Variants in SEMA3E observed in about 807,000 individuals in gnomAD.
The protein encoded by SEMA3E is semaphorin 3E.
Under a neutral mutation model 93.6 loss-of-function variants are expected in SEMA3E, and 49 were observed. That is an observed-to-expected ratio of 0.52 (90% CI 0.42 to 0.66). The LOEUF is 0.66. Ranked by LOEUF, SEMA3E falls within the 30% of genes least tolerant of loss-of-function variation. The pLI, the probability that SEMA3E is intolerant of heterozygous loss-of-function variation, is 0.00. For missense variants in SEMA3E, 906 were observed against 964.8 expected (o/e 0.94, Z 0.81); for synonymous variants, 363 against 330.7 (o/e 1.10, Z -1.06).
At chr7:83,569,430 G>C (rs768395227) in intron 1 of SEMA3E, among the ~76,000 whole-genome samples, 10 of 151,974 alleles carry the variant, frequency 6.6e-5, no homozygotes, top group Non-Finnish European at 1.3e-4. Context: ...CACTTAAAAG[G>C]TATAGAGTGG....
At chr7:83,573,525 A>G (rs766220005) in intron 1 of SEMA3E, among the ~76,000 whole-genome samples, 5 of 152,112 alleles carry the variant, frequency 3.3e-5, no homozygotes, top group Non-Finnish European at 7.4e-5. Flanking sequence ...GTTTGTTTCT[A>G]TCACTATTCT....
intron 4 of SEMA3E, among the ~76,000 whole-genome samples, chr7:83,445,543 C>G (rs772133018): frequency 5.3e-5 from 8 of 151,830 alleles, no homozygotes; most frequent in Non-Finnish European, 8.8e-5. Flanking sequence ...CATGGTGAAA[C>G]CCCGTCCCTA....
At chr7:83,391,577 T>C (rs189367578) in intron 14 of SEMA3E, among the ~76,000 whole-genome samples, 1 of 148,014 alleles carries the variant, frequency 6.8e-6, no homozygotes, top group East Asian at 2.1e-4. Flanking sequence ...CGAAGCATAA[T>C]TTTACTATCC....
chr7:83,546,324 GTGTGT>G (rs1791650012), intron 1 of SEMA3E, among the ~76,000 whole-genome samples: 9 of 10,154 alleles, frequency 8.9e-4, no homozygotes, highest in African/African-American at 4.1e-3. Context: ...AATAAGGGGT[GTGTGT>G]GTGTGTGTGT....
Position 83,407,268 on chromosome 7 carries a change from T to G in SEMA3E, c.671-29A>C, listed in dbSNP as rs563813972. On this transcript the variant is annotated intron_variant, in intron 6 of 16. Transcript: ENST00000643230. ...TAGGAGCAAAAAATAGGAGAAAAAG[T>G]GAAATAGATATTACAACTAAATGCT... is the stretch of plus-strand genomic sequence containing the variant. 5.7e-6 allele frequency: 9 copies of G among 1,582,490 alleles called. No homozygotes were observed. In the East Asian group the frequency reaches 1.3e-4, roughly 24 times the overall value.
intron 1 of SEMA3E, among the ~76,000 whole-genome samples, chr7:83,545,061 A>T (rs1791616772): frequency 6.6e-6 from 1 of 152,130 alleles, no homozygotes; most frequent in South Asian, 2.1e-4. Context: ...AAATACATTA[A>T]TAGGAAACTT....
chr7:83,546,194 C>T (rs1386053601), intron 1 of SEMA3E, among the ~76,000 whole-genome samples: 1 of 149,114 alleles, frequency 6.7e-6, no homozygotes, highest in African/African-American at 2.5e-5. Context: ...TATAATGTTC[C>T]ACTAAAACAC....
At chr7:83,498,115 C>T (rs962482345) in intron 1 of SEMA3E, among the ~76,000 whole-genome samples, 4 of 151,862 alleles carry the variant, frequency 2.6e-5, no homozygotes, top group African/African-American at 9.7e-5. Flanking sequence ...TTTTCTTTAG[C>T]TTATTTGATT....
At chr7:83,527,094 C>T (rs1050708564) in intron 1 of SEMA3E, among the ~76,000 whole-genome samples, 1 of 152,026 alleles carries the variant, frequency 6.6e-6, no homozygotes, top group South Asian at 2.1e-4. Context: ...TGGGGAAGAC[C>T]ATGTGACAGT....
At chr7:83,369,474 A>G (rs1794721603) in intron 16 of SEMA3E, among the ~76,000 whole-genome samples, 1 of 152,186 alleles carries the variant, frequency 6.6e-6, no homozygotes, top group South Asian at 2.1e-4. Flanking sequence ...GGTGCCCCAA[A>G]GGCATTTTTT....
intron 1 of SEMA3E, among the ~76,000 whole-genome samples, chr7:83,527,590 A>T (rs1331759330): frequency 6.6e-6 from 1 of 152,160 alleles, no homozygotes; most frequent in African/African-American, 2.4e-5. Context: ...TATATATTCA[A>T]AGATATTTAT....
intron 5 of SEMA3E, among the ~76,000 whole-genome samples, chr7:83,417,866 G>C (rs1788585235): frequency 6.6e-6 from 1 of 152,108 alleles, no homozygotes; most frequent in African/African-American, 2.4e-5. Flanking sequence ...TACATTTAGT[G>C]ATAGGTTGAG....
rs189400839 is a variant in SEMA3E at position 83,440,944 on chromosome 7, T to C, written c.457-22461A>G. ...GAGAAGTTATATTAGAGCCAGACTC[T>C]GAAGGACACTAGCTATCTGAGATAT... On this transcript the variant is annotated intron_variant, in intron 4 of 16. Coordinates refer to ENST00000643230, the MANE Select transcript of SEMA3E (RefSeq NM_012431.3). Among the ~76,000 whole-genome samples, 238 of 152,318 alleles carry C rather than the reference T, an allele frequency of 1.6e-3. 1 individual carries two copies. Among genetic ancestry groups the C allele is most frequent in the African/African-American group, 4.3e-3 (179 of 41,588 alleles).
chr7:83,553,231 T>C (rs112019258), intron 1 of SEMA3E, among the ~76,000 whole-genome samples: 3 of 152,230 alleles, frequency 2.0e-5, no homozygotes, highest in African/African-American at 7.2e-5. Context: ...AGAACCTACG[T>C]TGAAATATTG....
chr7:83,555,775 AAATTCTATTTGCTGTTCCTTG>A (rs1345408278), intron 1 of SEMA3E, among the ~76,000 whole-genome samples: 2 of 152,178 alleles, frequency 1.3e-5, no homozygotes, highest in Non-Finnish European at 2.9e-5. Context: ...ATACTTTAGC[AAATTCTATTTGCTGTTCCTTG>A]ATTCAAATTC....
intron 1 of SEMA3E, among the ~76,000 whole-genome samples, chr7:83,618,401 T>A (rs764867735): frequency 6.6e-6 from 1 of 152,076 alleles, no homozygotes; most frequent in Non-Finnish European, 1.5e-5. Context: ...TAAGTTTTTT[T>A]ATTTTAGTAC....
intron 15 of SEMA3E, among the ~76,000 whole-genome samples, chr7:83,386,459 C>A (rs17213034): frequency 6.6e-6 from 1 of 152,008 alleles, no homozygotes; most frequent in East Asian, 1.9e-4. Context: ...GAGATTTCCT[C>A]CATTCCTAAC....
chr7:83,576,848 A>G (rs1301783146), intron 1 of SEMA3E, among the ~76,000 whole-genome samples: 1 of 152,098 alleles, frequency 6.6e-6, no homozygotes, highest in African/African-American at 2.4e-5. Context: ...GCTGGTCTCA[A>G]AACTCCTGAG....
chr7:83,436,176 ATG>A (rs763413481), intron 4 of SEMA3E, among the ~76,000 whole-genome samples: 7 of 151,230 alleles, frequency 4.6e-5, no homozygotes, highest in East Asian at 1.9e-4. Context: ...TCTCTAACAT[ATG>A]TGTGTGTGTG....
Sources: allele counts gnomAD v4.1 joint callset (sites outside exome capture counted in the v4.1 genomes callset), GRCh38; gene constraint gnomAD v4.1.1; transcripts MANE v1.5; gene names NCBI Gene and HGNC (gene_info 2026-07-23, HGNC 2026-07-21).